The following DLGAP1 variants were observed in gnomAD, a reference collection of about 807,000 sequenced individuals.
DLGAP1 encodes the protein disks large-associated protein 1.
Under a neutral mutation model 90.8 loss-of-function variants are expected in DLGAP1, and 11 were observed. That is an observed-to-expected ratio of 0.12 (90% confidence interval 0.08 to 0.20). DLGAP1 has a LOEUF of 0.20. Among genes scored for constraint, DLGAP1 ranks in the 10% least tolerant of loss-of-function variants. DLGAP1 has a pLI of 1.00. For missense variants in DLGAP1, 1,050 were observed against 1,333.8 expected, an observed-to-expected ratio of 0.79 and a Z score of 3.31; for synonymous variants, 558 against 540.7, an observed-to-expected ratio of 1.03 and a Z score of -0.44.
intron 11 of DLGAP1, 69 bp downstream of exon 11, chr18:3,508,501 G>T (rs928734105): frequency 3.5e-6 from 4 of 1,150,314 alleles, no homozygotes; most frequent in African/African-American, 3.1e-5. Flanking sequence ...ACTTTAGTTG[G>T]GCCAGTCTTG....
rs377694791 is a variant in DLGAP1, at chr18:3,508,443, C to G, written c.2571+127G>C. 4.3e-5 allele frequency: 19 copies of G among 443,966 alleles called. No homozygotes were observed. The South Asian group carries it at 1.6e-3, about 38-fold the overall frequency. The allele number at this position is 443,966 out of a possible 1,614,324, so 27.5% of individuals were successfully genotyped here. On this transcript the variant is annotated intron_variant, in intron 11 of 12. Transcript: ENST00000315677. ...AAGATTCATCAGAAAATTCTCTGTT[C>G]CAAGTGAGAGACTCCAATGGACCTT...
At chr18:4,082,510 C>CAA (rs59735494) in intron 2 of DLGAP1, among the ~76,000 whole-genome samples, 761 of 52,038 alleles carry the variant, frequency 0.015, 46 homozygotes, top group African/African-American at 0.056. Context: ...GACTTTGTCT[C>CAA]AAAAAAAAAA....
At chr18:3,630,491 A>G (rs1024305808) in intron 7 of DLGAP1, among the ~76,000 whole-genome samples, 3 of 152,150 alleles carry the variant, frequency 2.0e-5, no homozygotes, top group African/African-American at 7.2e-5. Context: ...CCAATTCCCT[A>G]TAATAAATCT....
chr18:3,849,733 T>C (rs2069228089), intron 4 of DLGAP1, among the ~76,000 whole-genome samples: 1 of 152,154 alleles, frequency 6.6e-6, no homozygotes. Flanking sequence ...CACTGAACAA[T>C]GGGAGCGCAA....
chr18:4,279,100 T>C (rs914832739), intron 1 of DLGAP1, among the ~76,000 whole-genome samples: 1 of 152,224 alleles, frequency 6.6e-6, no homozygotes, highest in African/African-American at 2.4e-5. Flanking sequence ...AATAGTTACA[T>C]GCAGAACAAG....
intron 1 of DLGAP1, among the ~76,000 whole-genome samples, chr18:4,415,153 T>C (rs2082868613): frequency 6.6e-6 from 1 of 152,144 alleles, no homozygotes; most frequent in African/African-American, 2.4e-5. Context: ...CTGTTTCTCA[T>C]ACTCTATAAA....
intron 4 of DLGAP1, among the ~76,000 whole-genome samples, chr18:3,823,753 C>T (rs1033780062): frequency 6.6e-6 from 1 of 151,854 alleles, no homozygotes; most frequent in African/African-American, 2.4e-5. Context: ...AGTTTGAGAC[C>T]AGCCTGGCCA....
At chr18:3,854,550 C>T (rs1230041555) in intron 4 of DLGAP1, among the ~76,000 whole-genome samples, 1 of 152,204 alleles carries the variant, frequency 6.6e-6, no homozygotes, top group African/African-American at 2.4e-5. Flanking sequence ...AAACGAATAA[C>T]TGTAAGATGA....
chr18:4,064,762 T>C (rs983387154), intron 2 of DLGAP1, among the ~76,000 whole-genome samples: 4 of 151,980 alleles, frequency 2.6e-5, no homozygotes, highest in African/African-American at 9.7e-5. Context: ...CTAACAGATG[T>C]ACAAAGAAGA....
rs999149376 is a variant in DLGAP1 at position 4,439,623 on chromosome 18, T to C, written c.-267+15383A>G. Among the ~76,000 whole-genome samples the C allele has an allele frequency of 5.3e-5, 8 of 151,622 alleles. No individual in the cohort carries two copies. In the East Asian group the frequency reaches 5.9e-4, roughly 11 times the overall value. On this transcript the variant is annotated intron_variant, in intron 1 of 12. Transcript: ENST00000315677. ...GAGTTCAAGACCAGCCTGGGCAACA[T>C]AGTATGACCTTGTCTCCACAAAAAA...
intron 3 of DLGAP1, among the ~76,000 whole-genome samples, chr18:3,977,434 G>GTGTTTTTTTTTTTTTTTTTTTTTTT (rs1555718019): frequency 1.5e-4 from 14 of 95,332 alleles, no homozygotes; most frequent in African/African-American, 5.8e-4. Context: ...TTTATTCTGT[G>GTGTTTTTTTTTTTTTTTTTTTTTTT]TTTTTTTTTT....
At chr18:4,442,329 A>G (rs1159514256) in intron 1 of DLGAP1, among the ~76,000 whole-genome samples, 1 of 152,180 alleles carries the variant, frequency 6.6e-6, no homozygotes, top group Non-Finnish European at 1.5e-5. Context: ...GATGAGCATG[A>G]GGTTAAAATG....
intron 1 of DLGAP1, among the ~76,000 whole-genome samples, chr18:4,399,682 AC>A (rs1441222429): frequency 3.3e-5 from 5 of 152,196 alleles, no homozygotes; most frequent in African/African-American, 1.2e-4. Flanking sequence ...GAAGCCTACT[AC>A]TTTTCAATTG....
At chr18:3,932,815 A>G (rs76037654) in intron 3 of DLGAP1, among the ~76,000 whole-genome samples, 1,872 of 152,236 alleles carry the variant, frequency 0.012, 42 homozygotes, top group African/African-American at 0.044. Context: ...AAGTCATTAG[A>G]AAAAAAATTC....
At chr18:4,238,513 A>G (rs1476502157) in intron 1 of DLGAP1, among the ~76,000 whole-genome samples, 2 of 152,150 alleles carry the variant, frequency 1.3e-5, no homozygotes, top group East Asian at 3.9e-4. Flanking sequence ...AAATTTTTTA[A>G]CTATGTAAAT....
intron 7 of DLGAP1, among the ~76,000 whole-genome samples, chr18:3,672,577 C>CAAAAAAA (rs60316690): frequency 5.1e-5 from 2 of 39,578 alleles, no homozygotes; most frequent in Non-Finnish European, 9.0e-5. Flanking sequence ...AACTCTATCT[C>CAAAAAAA]AAAAAAAAAA....
intron 5 of DLGAP1, among the ~76,000 whole-genome samples, chr18:3,770,578 A>G (rs932664606): frequency 7.9e-5 from 12 of 152,254 alleles, no homozygotes; most frequent in Admixed American, 7.2e-4. Flanking sequence ...GAAATGCAAC[A>G]GCTCTGAAAT....
intron 2 of DLGAP1, among the ~76,000 whole-genome samples, chr18:4,101,196 C>T (rs549995051): frequency 5.9e-5 from 9 of 152,230 alleles, no homozygotes; most frequent in South Asian, 4.1e-4. Flanking sequence ...AAGTGAGAGA[C>T]GTGCAACTCT....
At chr18:4,441,672 AAG>A (rs2083538528) in intron 1 of DLGAP1, among the ~76,000 whole-genome samples, 1 of 152,230 alleles carries the variant, frequency 6.6e-6, no homozygotes, top group Non-Finnish European at 1.5e-5. Flanking sequence ...CGGAAAAAAT[AAG>A]AGAAGTGACA....
Sources: gnomAD v4.1 joint callset for allele counts (sites outside exome capture counted in the v4.1 genomes callset) on GRCh38, gnomAD v4.1.1 for gene constraint, MANE v1.5 for transcripts, NCBI Gene and HGNC (gene_info 2026-07-23, HGNC 2026-07-21) for gene names.